Variants in BEND7 observed in about 807,000 individuals in gnomAD.
BEND7 encodes BEN domain containing 7, also known as BEN domain-containing protein 7.
In BEND7, 28 loss-of-function variants were observed where a neutral mutation model predicts 50.9. The ratio of observed to expected loss-of-function variants is 0.55; its 90% confidence interval spans 0.41 to 0.75. The LOEUF (loss-of-function observed/expected upper bound fraction) is 0.75. Ranked by LOEUF, BEND7 falls within the 30% of genes least tolerant of loss-of-function variation. The pLI is 0.00. For synonymous variants in BEND7, 170 were observed against 183.9 expected, an observed-to-expected ratio of 0.92 and a Z score of 0.61; for missense variants, 477 against 491.3, an observed-to-expected ratio of 0.97 and a Z score of 0.28.
At chr10:13,513,351 C>G (rs901753444) in intron 2 of BEND7, among the ~76,000 whole-genome samples, 1 of 152,206 alleles carries the variant, frequency 6.6e-6, no homozygotes, top group South Asian at 2.1e-4. Context: ...AGGACTCCAG[C>G]CCAGATTCCA....
At chr10:13,478,784 A>T (rs2075646959) in intron 6 of BEND7, among the ~76,000 whole-genome samples, 3 of 152,300 alleles carry the variant, frequency 2.0e-5, no homozygotes, top group African/African-American at 7.2e-5. Flanking sequence ...TTGTTGATTT[A>T]TGTTGTTGGT....
In BEND7 at chr10:13,481,134, G is replaced by T; in HGVS notation, c.838-10C>A. On this transcript the variant is annotated splice_polypyrimidine_tract_variant and intron_variant, in intron 5 of 8. Transcript: ENST00000466271. ...CAAGTTGTACTTCTGGCTACCAAAA[G>T]AACACAGATATTTCATTAAAAGCAA... is the stretch of plus-strand genomic sequence containing the variant. The T allele has an allele frequency of 6.2e-7, 1 of 1,611,972 alleles. No homozygotes were observed. The highest frequency in any genetic ancestry group is 8.5e-7 in the Non-Finnish European group (1 of 1,178,752).
chr10:13,528,472 C>T lies in BEND7; in HGVS notation c.61+1G>A. ...CCCCCGCCGCCCCGGCGGCCGCTTA[C>T]CTCGGCTCACCAGTTTGAAGCTCTG... On this transcript the variant is annotated splice_donor_variant, in intron 1 of 8. Transcript: ENST00000466271. LOFTEE classifies it high-confidence loss of function. 9.7e-7 allele frequency: 1 copy of T among 1,027,930 alleles called. No homozygotes were observed. The highest frequency in any genetic ancestry group is 1.2e-6 in the Non-Finnish European group (1 of 858,282). The allele number at this position is 1,027,930 out of a possible 1,614,324, so 63.7% of individuals were successfully genotyped here. A position where few individuals can be genotyped will look rare whatever the true frequency, so the allele number is the denominator to read the frequency against.
intron 2 of BEND7, among the ~76,000 whole-genome samples, chr10:13,507,357 G>A (rs748447467): frequency 2.6e-5 from 4 of 152,136 alleles, no homozygotes; most frequent in South Asian, 2.1e-4. Flanking sequence ...TGTCACGTTC[G>A]GTGACTTACC....
intron 5 of BEND7, among the ~76,000 whole-genome samples, chr10:13,483,181 A>T (rs1484780161): frequency 2.6e-5 from 4 of 152,118 alleles, no homozygotes; most frequent in African/African-American, 7.2e-5. Context: ...ATATAATCTC[A>T]GTTTGATTCT....
chr10:13,450,593 C>A (rs1405339843), intron 7 of BEND7, among the ~76,000 whole-genome samples: 1 of 152,182 alleles, frequency 6.6e-6, no homozygotes, highest in African/African-American at 2.4e-5. Flanking sequence ...GTCTTACAGC[C>A]ACCTTCTACT....
In BEND7 at chr10:13,467,391, C is replaced by A. The variant is rs2074358795; in HGVS notation, c.1063+13508G>T. 2.0e-5 allele frequency among the ~76,000 whole-genome samples: 3 copies of A among 152,164 alleles called. No individual in the cohort carries two copies. In the South Asian group the frequency reaches 6.2e-4, roughly 32 times the overall value. Reference sequence around the variant, plus strand: ...ATTAGGTTTATTTAAACCAAAATCCCACAATAAAATGATTACACTTCAACT... The same window carrying A: ...ATTAGGTTTATTTAAACCAAAATCCAACAATAAAATGATTACACTTCAACT... On this transcript the variant is annotated intron_variant, in intron 6 of 8. Transcript: ENST00000466271.
intron 5 of BEND7, 63 bp from the exon 6 acceptor site, chr10:13,481,187 T>C: frequency 2.0e-6 from 3 of 1,500,488 alleles, no homozygotes; most frequent in South Asian, 1.2e-5. Context: ...TTTGGGTACA[T>C]GAGCAACAAA....
At chr10:13,480,504 T>G in intron 6 of BEND7, 4 of 537,334 alleles carry the variant, frequency 7.4e-6, no homozygotes, top group Non-Finnish European at 9.5e-6. Flanking sequence ...GAGAGAACCA[T>G]TTTACTTTAT....
chr10:13,522,011 C>T (rs940981921), intron 2 of BEND7, among the ~76,000 whole-genome samples: 4 of 152,220 alleles, frequency 2.6e-5, no homozygotes, highest in African/African-American at 9.6e-5. Flanking sequence ...GTCGACCCTG[C>T]TCAGCTGGCA....
intron 2 of BEND7, among the ~76,000 whole-genome samples, chr10:13,520,463 T>C (rs1212659101): frequency 6.6e-6 from 1 of 152,076 alleles, no homozygotes; most frequent in Non-Finnish European, 1.5e-5. Flanking sequence ...AGACCGTGCA[T>C]ACTAGACACT....
intron 8 of BEND7, chr10:13,444,726 T>C (rs978059395): frequency 6.6e-6 from 1 of 152,234 alleles, no homozygotes; most frequent in Non-Finnish European, 1.5e-5. Flanking sequence ...GGATTTTACT[T>C]TGGAGGCAAT....
At chr10:13,466,153 T>C (rs1429997630) in intron 6 of BEND7, among the ~76,000 whole-genome samples, 1 of 152,188 alleles carries the variant, frequency 6.6e-6, no homozygotes, top group East Asian at 1.9e-4. Context: ...ATTTCAATGG[T>C]TACGTCGTAT....
chr10:13,462,618 C>G (rs985285751), intron 6 of BEND7, among the ~76,000 whole-genome samples: 36 of 152,062 alleles, frequency 2.4e-4, no homozygotes, highest in Middle Eastern at 3.4e-3. Context: ...GAGAATAACC[C>G]AGAGTGTAAC....
chr10:13,478,233 G>A (rs2131663588), intron 6 of BEND7, among the ~76,000 whole-genome samples: 1 of 152,268 alleles, frequency 6.6e-6, no homozygotes, highest in South Asian at 2.1e-4. Context: ...AATTCCCCCT[G>A]GTTCATGACA....
chr10:13,441,976 C>A, intron 8 of BEND7: 1 of 519,034 alleles, frequency 1.9e-6, no homozygotes, highest in Non-Finnish European at 3.4e-6. Flanking sequence ...TACAGGGATG[C>A]CTTCTCTCAT....
chr10:13,507,023 G>T (rs2077945954), intron 2 of BEND7, among the ~76,000 whole-genome samples: 1 of 152,134 alleles, frequency 6.6e-6, no homozygotes, highest in Non-Finnish European at 1.5e-5. Flanking sequence ...GCATGAGTTT[G>T]AGCATGAAGC....
intron 6 of BEND7, among the ~76,000 whole-genome samples, chr10:13,464,074 C>T (rs2073983334): frequency 6.6e-6 from 1 of 152,218 alleles, no homozygotes; most frequent in East Asian, 1.9e-4. Context: ...ACCTTGCTGG[C>T]AGATGCATCA....
Position 13,492,901 on chromosome 10 carries a change from GT to G in BEND7, c.572-26del, listed in dbSNP as rs1471514395. 3 of 1,587,540 alleles carry G rather than the reference GT, an allele frequency of 1.9e-6. No homozygotes were observed. In the Admixed American group the frequency reaches 6.0e-5, roughly 32 times the overall value. On this transcript the variant is annotated intron_variant, in intron 4 of 8. Coordinates refer to ENST00000466271, the MANE Select transcript of BEND7 (RefSeq NM_001369863.1). ...ACTGCGAATAATAAACAAAAATATG[GT>G]ACAGGCACGTGTGTCTGACTTAGGA...
Sources: gnomAD v4.1 joint callset for allele counts (sites outside exome capture counted in the v4.1 genomes callset) on GRCh38, gnomAD v4.1.1 for gene constraint, MANE v1.5 for transcripts, NCBI Gene and HGNC (gene_info 2026-07-23, HGNC 2026-07-21) for gene names.